The following CLEC7A variants were observed in gnomAD, a reference collection of about 807,000 sequenced individuals.
CLEC7A encodes the protein C-type lectin domain containing 7A, also known as C-type lectin domain family 7 member A.
A neutral mutation model predicts 26.9 loss-of-function variants in CLEC7A; 25 were observed. The observed-to-expected ratio is 0.93, with a 90% CI of 0.68 to 1.30. CLEC7A has a LOEUF of 1.30. CLEC7A is among the 50% of genes most tolerant of loss of function. CLEC7A has a pLI of 0.00. For synonymous variants in CLEC7A, 100 were observed against 99.5 expected, an observed-to-expected ratio of 1.01 and a Z score of -0.03; for missense variants, 275 against 286.7, an observed-to-expected ratio of 0.96 and a Z score of 0.29.
intron 4 of CLEC7A, 162 bp downstream of exon 4, chr12:10,125,135 G>C (rs763875550): frequency 1.4e-6 from 1 of 723,218 alleles, no homozygotes; most frequent in African/African-American, 1.8e-5. Flanking sequence ...GGGATGTCGC[G>C]GCTTCACTGC....
chr12:10,122,095 GAC>G (rs1274777251), intron 5 of CLEC7A, among the ~76,000 whole-genome samples: 1 of 152,058 alleles, frequency 6.6e-6, no homozygotes, highest in African/African-American at 2.4e-5. Context: ...ATAATAAAAA[GAC>G]AGAGTCAACA....
At position 10,120,811 on chromosome 12, in the gene CLEC7A, G is replaced by A. The variant is rs947418412; in HGVS notation, c.612-2221C>T. Among the ~76,000 whole-genome samples the A allele has an allele frequency of 3.3e-4, 49 of 148,014 alleles. 1 individual carries two copies. Among genetic ancestry groups the A allele is most frequent in the Admixed American group, 1.3e-4 (2 of 14,858 alleles). On this transcript the variant is annotated intron_variant, in intron 5 of 5. Coordinates refer to ENST00000304084, the MANE Select transcript of CLEC7A (RefSeq NM_197947.3). ...GCTCAGTCACCCAGGCTGGAGTGCA[G>A]TGGTGCGATCTCGGCTCACTGCAAC...
chr12:10,124,329 A>T (rs562649619), intron 4 of CLEC7A, among the ~76,000 whole-genome samples: 1 of 152,352 alleles, frequency 6.6e-6, no homozygotes, highest in South Asian at 2.1e-4. Flanking sequence ...TAGGTGTAGA[A>T]GTTATAGACT....
chr12:10,126,989 T>G, intron 2 of CLEC7A: 1 of 1,327,948 alleles, frequency 7.5e-7, no homozygotes, highest in African/African-American at 1.5e-5. Context: ...GAGGCAAATG[T>G]CATAGAGTCA....
At chr12:10,121,932 C>T (rs940744295) in intron 5 of CLEC7A, among the ~76,000 whole-genome samples, 1 of 151,958 alleles carries the variant, frequency 6.6e-6, no homozygotes, top group Non-Finnish European at 1.5e-5. Context: ...GGCGTGAACC[C>T]GGGAGGCGGA....
chr12:10,125,664 T>C (rs1464488336), intron 3 of CLEC7A, among the ~76,000 whole-genome samples: 2 of 152,212 alleles, frequency 1.3e-5, no homozygotes, highest in African/African-American at 4.8e-5. Context: ...TAGCTATAAA[T>C]AGTATTTTAG....
intron 3 of CLEC7A, 56 bp from the exon 4 acceptor site, chr12:10,125,504 G>C: frequency 7.0e-7 from 1 of 1,432,974 alleles, no homozygotes. Context: ...CACTCTTTTA[G>C]TGTGAACACC....
rs371442557 is a variant in CLEC7A, at chr12:10,125,767, T to C, written c.341-319A>G. Among the ~76,000 whole-genome samples, 84 of 152,272 alleles carry C rather than the reference T, an allele frequency of 5.5e-4. 1 individual carries two copies. The East Asian group carries it at 0.01, about 18-fold the overall frequency. On this transcript the variant is annotated intron_variant, in intron 3 of 5. Coordinates refer to ENST00000304084, the MANE Select transcript of CLEC7A (RefSeq NM_197947.3). The stretch of plus-strand genomic sequence containing the variant: ...CTCCTTAATAACTCCTTAAAATAAG[T>C]CCACTCACAATCAGTCATTGAGGTA...
chr12:10,118,200 A>T lies in CLEC7A; in HGVS notation c.*258T>A, dbSNP rs1465817846. 3 of 375,582 alleles carry T rather than the reference A, an allele frequency of 8.0e-6. No individual in the cohort carries two copies. The highest frequency in any genetic ancestry group is 5.5e-5 in the East Asian group (1 of 18,084). The allele number at this position is 375,582 out of a possible 1,614,324, so 23.3% of individuals were successfully genotyped here. On this transcript the variant is annotated 3_prime_UTR_variant, in exon 6 of 6. Coordinates refer to ENST00000304084, the MANE Select transcript of CLEC7A (RefSeq NM_197947.3). ...TATCTCAAAAAAATAAATAAATAAA[A>T]AATAAAAACTCAAGCTTGGCTGCCC...
Position 10,126,608 on chromosome 12 carries a change from T to A in CLEC7A, c.303A>T (p.Glu101Asp). 1 of 1,612,774 alleles carries A rather than the reference T, an allele frequency of 6.2e-7. No individual in the cohort carries two copies. The highest frequency in any genetic ancestry group is 8.5e-7 in the Non-Finnish European group (1 of 1,179,400). Residue 101 changes from glutamate to aspartate, a missense_variant, in exon 3 of 6, where the codon GAA becomes GAT. Coordinates refer to ENST00000304084, the MANE Select transcript of CLEC7A (RefSeq NM_197947.3). ...CAGCTTTGGTAGGAGTCACACTGTC[T>A]TCTAAAGATGATTGTGTGGGTTGAC... is the stretch of plus-strand genomic sequence containing the variant. The part of the protein sequence containing the change: ...NHSQPTQSSL[E>D]DSVTPTKAVK...
At chr12:10,129,684 C>T (rs935481417) in intron 1 of CLEC7A, among the ~76,000 whole-genome samples, 1 of 152,082 alleles carries the variant, frequency 6.6e-6, no homozygotes, top group Non-Finnish European at 1.5e-5. Context: ...TTGGCATGAT[C>T]TTGGCTCACT....
At position 10,126,767 on chromosome 12, in the gene CLEC7A, A is replaced by G. The variant is rs1233700512; in HGVS notation, c.203-59T>C. 6 of 1,434,146 alleles carry G rather than the reference A, an allele frequency of 4.2e-6. No homozygotes were observed. In the East Asian group the frequency reaches 1.4e-4, roughly 33 times the overall value. 88.8% of individuals were successfully genotyped at this position (1,434,146 alleles called of 1,614,324 possible). A position where few individuals can be genotyped will look rare whatever the true frequency, so the allele number is the denominator to read the frequency against. On this transcript the variant is annotated intron_variant, in intron 2 of 5. Transcript: ENST00000304084. ...AAAATGTCATTCTGCTGTGTTTGAA[A>G]ATTAAAATCCCAAAACCCAAATGTT...
chr12:10,130,040 A>T lies in CLEC7A; in HGVS notation c.43T>A (p.Tyr15Asn). 1 of 1,609,220 alleles carries T rather than the reference A, an allele frequency of 6.2e-7. No homozygotes were observed. The highest frequency in any genetic ancestry group is 1.7e-5 in the Admixed American group (1 of 59,992). Residue 15 changes from tyrosine to asparagine, a missense_variant, in exon 1 of 6, where the codon TAT (tyrosine) becomes AAT (asparagine). Transcript: ENST00000304084. ...PDLENLDEDG[Y>N]TQLHFDSQSN... Reference sequence around the variant, plus strand: ...TGAGAGTCGAAGTGTAATTGAGTATATCCATCTTCATCCAAATTTTCTAAA... The same window carrying T: ...TGAGAGTCGAAGTGTAATTGAGTATTTCCATCTTCATCCAAATTTTCTAAA...
intron 5 of CLEC7A, among the ~76,000 whole-genome samples, chr12:10,122,680 G>A (rs1948132686): frequency 6.6e-6 from 1 of 151,810 alleles, no homozygotes; most frequent in African/African-American, 2.4e-5. Flanking sequence ...TAGTGGAGGT[G>A]GGGTTTCACC....
chr12:10,125,524 A>C lies in CLEC7A; in HGVS notation c.341-76T>G, dbSNP rs145439653. ...TTTTAGTGTGAACACCATTCATCTT[A>C]AGGACACTTATGAAATAACCAATTA... On this transcript the variant is annotated intron_variant, in intron 3 of 5. Transcript: ENST00000304084. 3 of 1,245,284 alleles carry C rather than the reference A, an allele frequency of 2.4e-6. No homozygotes were observed. In the East Asian group the frequency reaches 7.5e-5, roughly 31 times the overall value. 77.1% of individuals were successfully genotyped at this position (1,245,284 alleles called of 1,614,324 possible).
At chr12:10,120,732 G>A (rs1487058773) in intron 5 of CLEC7A, among the ~76,000 whole-genome samples, 1 of 132,304 alleles carries the variant, frequency 7.6e-6, no homozygotes, top group Non-Finnish European at 1.6e-5. Context: ...CCGGCCCAAG[G>A]GCTAGTTTTT....
Position 10,118,403 on chromosome 12 carries a change from T to C in CLEC7A, c.*55A>G, listed in dbSNP as rs1947972958. 4 of 1,523,842 alleles carry C rather than the reference T, an allele frequency of 2.6e-6. No homozygotes were observed. The highest frequency in any genetic ancestry group is 3.6e-6 in the Non-Finnish European group (4 of 1,105,572). 94.4% of individuals were successfully genotyped at this position (1,523,842 alleles called of 1,614,324 possible). A position where few individuals can be genotyped will look rare whatever the true frequency, so the allele number is the denominator to read the frequency against. On this transcript the variant is annotated 3_prime_UTR_variant, in exon 6 of 6. Transcript: ENST00000304084. ...TCAGCTGTTACTCTTTTCTGTTCTG[T>C]TTTCTGTCCTCCTTACTACCTCACA... is the stretch of plus-strand genomic sequence containing the variant.
At chr12:10,127,612 C>T (rs879076600) in intron 2 of CLEC7A, 135 bp downstream of exon 2, 2 of 918,044 alleles carry the variant, frequency 2.2e-6, no homozygotes, top group Non-Finnish European at 3.5e-6. Context: ...TTAACAGCAC[C>T]AACCCAATAC....
rs759316170 is a variant in CLEC7A, at chr12:10,126,607, C to G, written c.304G>C (p.Asp102His). The G allele has an allele frequency of 2.4e-5, 38 of 1,612,292 alleles. No homozygotes were observed. The highest frequency in any genetic ancestry group is 4.2e-6 in the Non-Finnish European group (5 of 1,179,296). ...HSQPTQSSLE[D>H]SVTPTKAVKT... ...ACAGCTTTGGTAGGAGTCACACTGTCTTCTAAAGATGATTGTGTGGGTTGA... is the reference window on the plus strand; with the variant it reads ...ACAGCTTTGGTAGGAGTCACACTGTGTTCTAAAGATGATTGTGTGGGTTGA... Residue 102 changes from aspartate to histidine, a missense_variant, in exon 3 of 6, where the codon GAC (aspartate) becomes CAC (histidine). Coordinates refer to ENST00000304084, the MANE Select transcript of CLEC7A (RefSeq NM_197947.3).
Sources: gnomAD v4.1 joint callset for allele counts (sites outside exome capture counted in the v4.1 genomes callset) on GRCh38, gnomAD v4.1.1 for gene constraint, MANE v1.5 for transcripts, NCBI Gene and HGNC (gene_info 2026-07-23, HGNC 2026-07-21) for gene names.